Variants in ANKRD30B observed in about 807,000 individuals in gnomAD.
ANKRD30B encodes the protein ankyrin repeat domain-containing protein 30B.
ANKRD30B carries 144 observed loss-of-function variants against 202.2 expected under a neutral mutation model. The ratio of observed to expected loss-of-function variants is 0.71; its 90% CI spans 0.62 to 0.82. The LOEUF (loss-of-function observed/expected upper bound fraction) is 0.82, where lower values mean the gene tolerates loss of function less well. ANKRD30B is among the 40% of genes least tolerant of loss of function. ANKRD30B has a pLI of 0.00. For synonymous variants in ANKRD30B, 508 were observed against 561.3 expected (o/e 0.91, Z 1.34); for missense variants, 1,487 against 1,669.1 (o/e 0.89, Z 1.90).
the ANKRD30B span, among the ~76,000 whole-genome samples, chr18:14,885,323 G>A: frequency 2.0e-5 from 3 of 152,018 alleles, no homozygotes; most frequent in African/African-American, 7.2e-5. Context: ...GTGGGGTAGG[G>A]ATGTAAATGA....
At chr18:14,909,990 C>A in the ANKRD30B span, 3 of 151,800 alleles carry the variant, frequency 2.0e-5, no homozygotes, top group Non-Finnish European at 2.9e-5. Context: ...TGGCAGGCAA[C>A]CACTGGTCAA....
intron 7 of ANKRD30B, 135 bp from the exon 8 acceptor site, chr18:14,769,208 G>A (rs1916714126): frequency 3.3e-6 from 2 of 604,032 alleles, no homozygotes; most frequent in East Asian, 6.4e-5. Context: ...GGCTCCTCAG[G>A]CGATCCTCCT....
Position 14,772,124 on chromosome 18 carries a change from G to A in ANKRD30B, c.1257-32G>A, listed in dbSNP as rs777835227. ...ATTTTCTTTTTAAATATATGAATTT[G>A]CTCATTTATGTTGTATCATTTTTCT... On this transcript the variant is annotated intron_variant, in intron 8 of 43. Coordinates refer to ENST00000690538, the MANE Select transcript of ANKRD30B (RefSeq NM_001367607.2). 4.6e-5 allele frequency: 60 copies of A among 1,313,466 alleles called. No homozygotes were observed. In the Middle Eastern group the frequency reaches 5.7e-4, roughly 12 times the overall value. 81.4% of individuals were successfully genotyped at this position (1,313,466 alleles called of 1,614,324 possible).
chr18:14,871,405 C>T, the ANKRD30B span, among the ~76,000 whole-genome samples: 1 of 151,174 alleles, frequency 6.6e-6, no homozygotes, highest in African/African-American at 2.4e-5. Flanking sequence ...GGAGTGCAGC[C>T]TCGTACTCTG....
At chr18:14,863,332 G>A in the ANKRD30B span, among the ~76,000 whole-genome samples, 1 of 152,154 alleles carries the variant, frequency 6.6e-6, no homozygotes, top group Non-Finnish European at 1.5e-5. Flanking sequence ...TTGGTGATGA[G>A]CAAGTCCTTG....
At chr18:14,816,213 A>G (rs1453036328) in intron 30 of ANKRD30B, 1 of 152,218 alleles carries the variant, frequency 6.6e-6, no homozygotes, top group African/African-American at 2.4e-5. Context: ...AGGATCACTT[A>G]TCTCCTCATC....
At position 14,853,863 on chromosome 18, in the gene ANKRD30B, G is replaced by A. The variant is rs1210381918; in HGVS notation, c.4531G>A (p.Ala1511Thr). ...GGCGGATCTTAATAAACAGTGTGAG[G>A]CTTCACTAAAGGTTACATCACATTC... Reference protein sequence around the residue: ...KLADLNKQCEASLKVTSHSHS... With the variant: ...KLADLNKQCETSLKVTSHSHS... The change falls in exon 43 of 44, where the codon GCT (alanine) becomes ACT (threonine). Residue 1511 changes from alanine to threonine, a missense_variant. Ala to Thr is a moderately conservative substitution (Grantham distance 58). Around this residue, in one of 6 missense-constraint regions of ANKRD30B, gnomAD observed 182 missense variants for 216.0 expected, o/e 0.84. Transcript: ENST00000690538. Among the ~76,000 whole-genome samples the A allele has an allele frequency of 6.6e-6, 1 of 152,116 alleles. No individual in the cohort carries two copies. The highest frequency in any genetic ancestry group is 1.5e-5 in the Non-Finnish European group (1 of 68,020).
the ANKRD30B span, among the ~76,000 whole-genome samples, chr18:14,925,545 AGT>A: frequency 4.6e-5 from 7 of 152,318 alleles, no homozygotes; most frequent in Admixed American, 3.9e-4. Context: ...CCAGATGGAA[AGT>A]GTTATTTTGC....
At chr18:14,872,990 G>C in the ANKRD30B span, among the ~76,000 whole-genome samples, 1 of 152,124 alleles carries the variant, frequency 6.6e-6, no homozygotes, top group East Asian at 1.9e-4. Flanking sequence ...CCTGGATGTA[G>C]AGTTGCCACA....
the ANKRD30B span, among the ~76,000 whole-genome samples, chr18:14,895,658 T>C: frequency 6.6e-6 from 1 of 152,174 alleles, no homozygotes; most frequent in South Asian, 2.1e-4. Context: ...CAAACTATGG[T>C]ACACGTATAC....
At chr18:14,934,708 A>C in the ANKRD30B span, among the ~76,000 whole-genome samples, 4 of 152,066 alleles carry the variant, frequency 2.6e-5, no homozygotes, top group African/African-American at 9.7e-5. Flanking sequence ...GAACGTTGGG[A>C]ATATTCAAGG....
intron 34 of ANKRD30B, among the ~76,000 whole-genome samples, chr18:14,835,084 A>G (rs1971114962): frequency 6.6e-6 from 1 of 151,874 alleles, no homozygotes; most frequent in Non-Finnish European, 1.5e-5. Context: ...TTTTGATAAT[A>G]GAGTATAAAT....
chr18:14,877,096 G>A, the ANKRD30B span, among the ~76,000 whole-genome samples: 127 of 152,302 alleles, frequency 8.3e-4, 2 homozygotes, highest in East Asian at 0.019. Context: ...TGTCTCAATC[G>A]TGAGCACCAG....
chr18:14,867,775 G>A, the ANKRD30B span, among the ~76,000 whole-genome samples: 1 of 152,216 alleles, frequency 6.6e-6, no homozygotes, highest in Non-Finnish European at 1.5e-5. Flanking sequence ...GGCCAGCTTG[G>A]TCTAGGAGGA....
chr18:14,880,796 T>G, the ANKRD30B span, among the ~76,000 whole-genome samples: 1 of 152,190 alleles, frequency 6.6e-6, no homozygotes, highest in Non-Finnish European at 1.5e-5. Flanking sequence ...ATTCCTTTGC[T>G]AGGTATATTC....
At chr18:14,915,587 G>A in the ANKRD30B span, 1 of 152,288 alleles carries the variant, frequency 6.6e-6, no homozygotes, top group African/African-American at 2.4e-5. Flanking sequence ...ATTCTCCAAG[G>A]AGCAGAGAAA....
At chr18:14,808,425 A>C in intron 24 of ANKRD30B, 126 bp from the exon 25 acceptor site, 1 of 1,054,702 alleles carries the variant, frequency 9.5e-7, no homozygotes, top group East Asian at 2.5e-5. Context: ...AAAAGACCCC[A>C]AAACCTAGTG....
the ANKRD30B span, among the ~76,000 whole-genome samples, chr18:14,893,012 AAAGAT>A: frequency 2.9e-3 from 447 of 152,288 alleles, 1 homozygote; most frequent in Non-Finnish European, 5.0e-3. Context: ...AATTCTTTGT[AAAGAT>A]TCTACGTTTA....
At chr18:14,906,182 C>T in the ANKRD30B span, among the ~76,000 whole-genome samples, 2 of 152,202 alleles carry the variant, frequency 1.3e-5, no homozygotes, top group Non-Finnish European at 2.9e-5. Context: ...AGGACCTAAC[C>T]TCTTCCTGCC....
Sources: allele counts gnomAD v4.1 joint callset (sites outside exome capture counted in the v4.1 genomes callset), GRCh38; gene constraint gnomAD v4.1.1; regional missense constraint gnomAD v4.1.1; transcripts MANE v1.5; gene names NCBI Gene and HGNC (gene_info 2026-07-23, HGNC 2026-07-21).